The following SDK1 variants were observed in gnomAD, a reference collection of about 807,000 sequenced individuals.
SDK1 encodes sidekick cell adhesion molecule 1, also known as protein sidekick-1.
SDK1 carries 157 observed loss-of-function variants against 245.5 expected under a neutral mutation model. That is an observed-to-expected ratio of 0.64 (90% CI 0.56 to 0.73). SDK1 has a LOEUF of 0.73. Among genes scored for constraint, SDK1 ranks in the 30% least tolerant of loss-of-function variants. The pLI, the probability that SDK1 is intolerant of heterozygous loss-of-function variation, is 0.00. For missense variants in SDK1, 3,583 were observed against 3,002.3 expected (o/e 1.19, Z -4.52); for synonymous variants, 1,647 against 1,278.5 (o/e 1.29, Z -6.15).
intron 1 of SDK1, among the ~76,000 whole-genome samples, chr7:3,368,595 G>C (rs1014072906): frequency 1.3e-5 from 2 of 152,284 alleles, no homozygotes; most frequent in Middle Eastern, 3.4e-3. Flanking sequence ...CAGTAACAGA[G>C]GAGACCCACT....
At chr7:3,927,033 AATTC>A (rs1444467343) in intron 5 of SDK1, among the ~76,000 whole-genome samples, 5 of 152,160 alleles carry the variant, frequency 3.3e-5, no homozygotes, top group Non-Finnish European at 7.3e-5. Flanking sequence ...GCCACAGAGG[AATTC>A]CTGAACTGTC....
At chr7:3,792,228 T>G (rs1429510716) in intron 4 of SDK1, among the ~76,000 whole-genome samples, 1 of 152,148 alleles carries the variant, frequency 6.6e-6, no homozygotes, top group Non-Finnish European at 1.5e-5. Flanking sequence ...CCCACTTCCA[T>G]GCCCTAAAAT....
chr7:3,361,694 G>GA (rs1485767289), intron 1 of SDK1, among the ~76,000 whole-genome samples: 1 of 152,160 alleles, frequency 6.6e-6, no homozygotes, highest in African/African-American at 2.4e-5. Context: ...TATTGGCTTA[G>GA]AAATCACCTT....
At chr7:3,618,046 C>G (rs1781822731) in intron 1 of SDK1, among the ~76,000 whole-genome samples, 1 of 152,066 alleles carries the variant, frequency 6.6e-6, no homozygotes, top group African/African-American at 2.4e-5. Context: ...GTCATATAAT[C>G]CTGTTTATTT....
At chr7:3,482,895 G>T (rs1354967070) in intron 1 of SDK1, among the ~76,000 whole-genome samples, 1 of 152,192 alleles carries the variant, frequency 6.6e-6, no homozygotes, top group African/African-American at 2.4e-5. Flanking sequence ...TGCCTGACAC[G>T]TAATAAGTGC....
intron 5 of SDK1, among the ~76,000 whole-genome samples, chr7:3,879,657 A>G (rs994998728): frequency 5.3e-5 from 8 of 152,176 alleles, no homozygotes; most frequent in Admixed American, 4.6e-4. Flanking sequence ...CTTGTTGTTC[A>G]GTCAATAGCT....
chr7:4,012,244 C>T lies in SDK1; in HGVS notation c.2420+9C>T, dbSNP rs186690848. 2.0e-6 allele frequency: 3 copies of T among 1,481,840 alleles called. No homozygotes were observed. The highest frequency in any genetic ancestry group is 2.7e-6 in the Non-Finnish European group (3 of 1,117,798). The allele number at this position is 1,481,840 out of a possible 1,614,324, so 91.8% of individuals were successfully genotyped here. A position where few individuals can be genotyped will look rare whatever the true frequency, so the allele number is the denominator to read the frequency against. ...CGTGGATACATCCTCAGGCAAGTGC[C>T]CTGTGATTGGCCATCTTTAGGCCGC... On this transcript the variant is annotated intron_variant, in intron 16 of 44. Coordinates refer to ENST00000404826, the MANE Select transcript of SDK1 (RefSeq NM_152744.4).
At chr7:3,686,862 G>A (rs1212207386) in intron 4 of SDK1, among the ~76,000 whole-genome samples, 2 of 152,168 alleles carry the variant, frequency 1.3e-5, no homozygotes, top group Non-Finnish European at 2.9e-5. Context: ...GTAGGTTCCA[G>A]GGCACTGGGG....
intron 5 of SDK1, among the ~76,000 whole-genome samples, chr7:3,825,632 G>A (rs1373068388): frequency 6.6e-6 from 1 of 152,100 alleles, no homozygotes; most frequent in Non-Finnish European, 1.5e-5. Context: ...TAATTCTGAA[G>A]ACCACTTAAC....
chr7:4,220,627 C>G (rs765279443), intron 39 of SDK1, among the ~76,000 whole-genome samples: 1 of 151,736 alleles, frequency 6.6e-6, no homozygotes, highest in Non-Finnish European at 1.5e-5. Flanking sequence ...ATGTACCTTC[C>G]CACTTATCCA....
chr7:3,561,100 A>G (rs1034075690), intron 1 of SDK1, among the ~76,000 whole-genome samples: 5 of 152,020 alleles, frequency 3.3e-5, no homozygotes, highest in African/African-American at 7.3e-5. Context: ...CCCTAGTGCA[A>G]TGCTAGATTG....
intron 18 of SDK1, among the ~76,000 whole-genome samples, chr7:4,050,380 A>G (rs1789360308): frequency 1.3e-5 from 2 of 152,244 alleles, no homozygotes; most frequent in African/African-American, 4.8e-5. Context: ...CTTTTGTGAA[A>G]GAAAATCATA....
intron 1 of SDK1, among the ~76,000 whole-genome samples, chr7:3,402,556 G>A (rs930193575): frequency 6.6e-6 from 1 of 152,290 alleles, no homozygotes; most frequent in Non-Finnish European, 1.5e-5. Context: ...CATACACAAA[G>A]CACAATTAAA....
At chr7:3,959,693 C>T (rs926464637) in intron 8 of SDK1, among the ~76,000 whole-genome samples, 9 of 152,194 alleles carry the variant, frequency 5.9e-5, no homozygotes, top group Non-Finnish European at 1.5e-5. Context: ...TCTGAGTTCT[C>T]TCACATAACT....
At chr7:4,208,406 A>C in intron 37 of SDK1, 121 bp downstream of exon 37, 1 of 828,016 alleles carries the variant, frequency 1.2e-6, no homozygotes, top group Admixed American at 2.8e-5. Flanking sequence ...ACACCTTTTG[A>C]GTAGCTGGGA....
chr7:3,605,711 G>A (rs917597229), intron 1 of SDK1, among the ~76,000 whole-genome samples: 4 of 152,088 alleles, frequency 2.6e-5, no homozygotes, highest in East Asian at 1.9e-4. Context: ...GTAAGAAAAT[G>A]AGAATTAAAA....
At chr7:4,160,365 A>G (rs770737174) in intron 31 of SDK1, among the ~76,000 whole-genome samples, 24 of 152,112 alleles carry the variant, frequency 1.6e-4, no homozygotes, top group Non-Finnish European at 2.8e-4. Flanking sequence ...ATCCAAAAGG[A>G]CCATTTTTGA....
chr7:3,959,734 C>T lies in SDK1; in HGVS notation c.1234+720C>T, dbSNP rs535659618. Among the ~76,000 whole-genome samples the T allele has an allele frequency of 1.8e-4, 27 of 152,254 alleles. 1 individual carries two copies. The highest frequency in any genetic ancestry group is 4.4e-5 in the Non-Finnish European group (3 of 68,016). ...GCCTCCGGTGCCATCCAGGTTGCTG[C>T]AAAAGACACCCTTTTATTCTTTTTT... On this transcript the variant is annotated intron_variant, in intron 8 of 44. Coordinates refer to ENST00000404826, the MANE Select transcript of SDK1 (RefSeq NM_152744.4).
chr7:3,374,716 A>C (rs370788237), intron 1 of SDK1, among the ~76,000 whole-genome samples: 4 of 151,766 alleles, frequency 2.6e-5, no homozygotes, highest in African/African-American at 9.7e-5. Flanking sequence ...CACTACACAC[A>C]CCCACACCCC....
Sources: allele counts gnomAD v4.1 joint callset (sites outside exome capture counted in the v4.1 genomes callset), GRCh38; gene constraint gnomAD v4.1.1; transcripts MANE v1.5; gene names NCBI Gene and HGNC (gene_info 2026-07-23, HGNC 2026-07-21).